SMARCA1: variants seen among roughly 807,000 people sequenced by gnomAD.
The protein encoded by SMARCA1 is SNF2 related chromatin remodeling ATPase 1.
A neutral mutation model predicts 93.6 loss-of-function variants in SMARCA1; 17 were observed. That is an observed-to-expected ratio of 0.18 (90% confidence interval 0.12 to 0.27). SMARCA1 has a LOEUF of 0.27. Ranked by LOEUF, SMARCA1 falls within the 10% of genes least tolerant of loss-of-function variation. The pLI is 1.00. For synonymous variants in SMARCA1, 271 were observed against 271.4 expected (o/e 1.00, Z 0.01); for missense variants, 630 against 819.0 (o/e 0.77, Z 2.82).
chrX:129,514,757 G>A (rs1935131735), intron 5 of SMARCA1, among the ~76,000 whole-genome samples: 2 of 111,487 alleles, frequency 1.8e-5, no homozygotes, highest in African/African-American at 6.5e-5. Flanking sequence ...ACCATTAAAG[G>A]TTACATAAGG....
intron 1 of SMARCA1, 44 bp downstream of exon 1, chrX:129,523,152 AG>A (rs1290252304): frequency 8.4e-7 from 1 of 1,188,098 alleles, no homozygotes; most frequent in Non-Finnish European, 1.1e-6. Flanking sequence ...CAGAGGGGCC[AG>A]GCACAGGATT....
At chrX:129,478,484 A>C (rs768931165) in intron 19 of SMARCA1, among the ~76,000 whole-genome samples, 198 of 110,683 alleles carry the variant, frequency 1.8e-3, no homozygotes, top group Non-Finnish European at 2.7e-3. Context: ...CCTTTCCTCT[A>C]TTCTTATACC....
intron 17 of SMARCA1, among the ~76,000 whole-genome samples, chrX:129,485,695 G>C (rs1366812560): frequency 9.0e-6 from 1 of 111,713 alleles, no homozygotes; most frequent in East Asian, 2.8e-4. Flanking sequence ...CATAGGGGCA[G>C]ATCTCTCATG....
In SMARCA1 at chrX:129,511,808, G is replaced by T; in HGVS notation, c.806C>A (p.Ala269Asp). Residue 269 changes from alanine to aspartate, a missense_variant, in exon 6 of 25, where the codon GCC becomes GAC. Ala to Asp is a moderately radical substitution (Grantham distance 126, BLOSUM62 -2). This residue lies in a region of SMARCA1 where 382 missense variants were observed against 537.9 expected (regional missense o/e 0.71). Transcript: ENST00000371121. ...TTACACTTGTTTCTCACTTACTCTG[G>T]CATCCTTGTCTCCGACAAAACAAAT... ...RVICFVGDKD[A>D]RAAFIRDEMM... is the part of the protein sequence containing the mutation. 1 of 1,184,015 alleles carries T rather than the reference G, an allele frequency of 8.4e-7. No homozygotes were observed. The highest frequency in any genetic ancestry group is 1.1e-6 in the Non-Finnish European group (1 of 878,696).
intron 24 of SMARCA1, among the ~76,000 whole-genome samples, chrX:129,447,559 T>C (rs1187744669): frequency 1.8e-5 from 2 of 111,593 alleles, no homozygotes; most frequent in African/African-American, 6.5e-5. Flanking sequence ...TGTTTATGAG[T>C]ATATATTTTT....
chrX:129,493,029 A>G lies in SMARCA1; in HGVS notation c.1662+11T>C. On this transcript the variant is annotated intron_variant, in intron 13 of 24. Transcript: ENST00000371121. ...GGCAATATGCATCAAGAGCCTTAAAAATGTTCATACCCTTTGACCCAGAAA... is the reference window on the plus strand; with the variant it reads ...GGCAATATGCATCAAGAGCCTTAAAGATGTTCATACCCTTTGACCCAGAAA... 2.1e-6 allele frequency: 1 copy of G among 478,264 alleles called. No individual in the cohort carries two copies. The highest frequency in any genetic ancestry group is 3.8e-6 in the Non-Finnish European group (1 of 262,039). The allele number at this position is 478,264 out of a possible 1,213,427, so 39.4% of individuals were successfully genotyped here.
rs1569446043 is a variant in SMARCA1 at position 129,504,561 on chromosome X, A to AC, written c.1167+172_1167+173insG. On this transcript the variant is annotated intron_variant, in intron 9 of 24. Transcript: ENST00000371121. ...GGACATAGAGGAATAAAAAAAAAAAAAAAAAAAAAAAAAAAAAAAACAAAG... is the reference window on the plus strand; with the variant it reads ...GGACATAGAGGAATAAAAAAAAAAAACAAAAAAAAAAAAAAAAAAAACAAAG... Among the ~76,000 whole-genome samples the AC allele has an allele frequency of 2.1e-3, 199 of 94,195 alleles. 1 individual carries two copies. The highest frequency in any genetic ancestry group is 8.5e-3 in the African/African-American group (185 of 21,876). 81.8% of individuals were successfully genotyped at this position (94,195 alleles called of 115,157 possible).
At chrX:129,506,366 T>A (rs766335492) in intron 7 of SMARCA1, among the ~76,000 whole-genome samples, 155 bp from the exon 8 acceptor site, 4 of 111,439 alleles carry the variant, frequency 3.6e-5, no homozygotes, top group Admixed American at 9.6e-5. Context: ...AATGCTGCAG[T>A]GAGGCAAAAC....
chrX:129,461,740 A>G (rs1932809006), intron 23 of SMARCA1, among the ~76,000 whole-genome samples: 1 of 112,050 alleles, frequency 8.9e-6, no homozygotes, highest in Non-Finnish European at 1.9e-5. Context: ...TCTTAGAAAG[A>G]AAATGGTAGG....
intron 23 of SMARCA1, 59 bp downstream of exon 23, chrX:129,465,461 G>T: frequency 4.0e-6 from 3 of 742,463 alleles, no homozygotes; most frequent in Non-Finnish European, 6.1e-6. Flanking sequence ...AGGATATATG[G>T]CATCTGAAAT....
At position 129,498,018 on chromosome X, in the gene SMARCA1, A is replaced by C; in HGVS notation, c.1331T>G (p.Met444Arg). The stretch of plus-strand genomic sequence containing the variant: ...AATGTTTAAGAGTCGCATCTTGTCC[A>C]TCTTGCCAGAAGAGTTTAAAACATC... ...DIDVLNSSGK[M>R]DKMRLLNILM... The change falls in exon 11 of 25, where the codon ATG becomes AGG. Residue 444 changes from methionine to arginine, a missense_variant. Transcript: ENST00000371121. The C allele has an allele frequency of 1.7e-6, 2 of 1,207,042 alleles. No homozygotes were observed. The highest frequency in any genetic ancestry group is 3.5e-5 in the South Asian group (2 of 56,891).
intron 19 of SMARCA1, among the ~76,000 whole-genome samples, chrX:129,479,895 G>A (rs901316605): frequency 9.0e-6 from 1 of 110,782 alleles, no homozygotes; most frequent in Non-Finnish European, 1.9e-5. Context: ...ACGGGGTTTT[G>A]CCATGTTGGC....
intron 6 of SMARCA1, among the ~76,000 whole-genome samples, chrX:129,510,287 A>G (rs1934978061): frequency 8.9e-6 from 1 of 112,812 alleles, no homozygotes; most frequent in African/African-American, 3.2e-5. Context: ...TTGCTATTCC[A>G]TTCTCTCTCA....
chrX:129,464,885 T>C (rs893333997), intron 23 of SMARCA1, among the ~76,000 whole-genome samples: 1 of 112,013 alleles, frequency 8.9e-6, no homozygotes, highest in African/African-American at 3.2e-5. Flanking sequence ...TGAACCTGAA[T>C]CTTACAATGA....
chrX:129,486,921 G>T, intron 17 of SMARCA1, 97 bp downstream of exon 17: 1 of 656,840 alleles, frequency 1.5e-6, no homozygotes, highest in Non-Finnish European at 2.3e-6. Flanking sequence ...TCACTCTAGA[G>T]CAGGGTATTA....
intron 19 of SMARCA1, among the ~76,000 whole-genome samples, chrX:129,472,224 C>T (rs763045984): frequency 2.2e-4 from 25 of 111,819 alleles, no homozygotes; most frequent in Non-Finnish European, 3.8e-4. Context: ...TCGCTATGTG[C>T]ATCTGCAGCT....
intron 17 of SMARCA1, among the ~76,000 whole-genome samples, chrX:129,482,824 C>T (rs1296334209): frequency 9.0e-6 from 1 of 111,532 alleles, no homozygotes; most frequent in African/African-American, 3.3e-5. Context: ...TGTCCTTAGC[C>T]TAGTATCTTT....
chrX:129,473,215 G>A lies in SMARCA1; in HGVS notation c.2443-1889C>T, dbSNP rs147507161. Reference sequence around the variant, plus strand: ...GTGTCAAAATGTAGTGTTTTCACCCGGAAGCCTTTTGCTGAATGGACTGAA... The same window carrying A: ...GTGTCAAAATGTAGTGTTTTCACCCAGAAGCCTTTTGCTGAATGGACTGAA... On this transcript the variant is annotated intron_variant, in intron 19 of 24. Transcript: ENST00000371121. Among the ~76,000 whole-genome samples the A allele has an allele frequency of 4.4e-3, 494 of 111,434 alleles. 1 individual carries two copies. The highest frequency in any genetic ancestry group is 0.015 in the African/African-American group (447 of 30,696).
At chrX:129,454,636 G>T (rs1158879494) in intron 23 of SMARCA1, among the ~76,000 whole-genome samples, 1 of 111,705 alleles carries the variant, frequency 9.0e-6, no homozygotes, top group East Asian at 2.8e-4. Context: ...CGAAGGATAT[G>T]AACAGACACT....
Sources: gnomAD v4.1 joint callset for allele counts (sites outside exome capture counted in the v4.1 genomes callset) on GRCh38, gnomAD v4.1.1 for gene constraint, gnomAD v4.1.1 regional missense constraint, MANE v1.5 for transcripts, NCBI Gene and HGNC (gene_info 2026-07-23, HGNC 2026-07-21) for gene names.